ELMO1: variants seen among roughly 807,000 people sequenced by gnomAD.
The protein encoded by ELMO1 is engulfment and cell motility protein 1.
ELMO1 carries 26 observed loss-of-function variants against 98.9 expected under a neutral mutation model. The observed-to-expected ratio is 0.26, with a 90% CI of 0.19 to 0.36. The LOEUF is 0.36. Ranked by LOEUF, ELMO1 falls within the 10% of genes least tolerant of loss-of-function variation. The probability of loss-of-function intolerance (pLI) is 1.00; values close to 1 mark genes in which losing one functional copy is unlikely to be tolerated. For synonymous variants in ELMO1, 346 were observed against 346.0 expected (o/e 1.00, Z 0.00); for missense variants, 627 against 935.2 (o/e 0.67, Z 4.30).
chr7:36,981,724 G>A (rs1791068827), intron 16 of ELMO1, among the ~76,000 whole-genome samples: 1 of 152,172 alleles, frequency 6.6e-6, no homozygotes, highest in Non-Finnish European at 1.5e-5. Context: ...CCGACTTTCT[G>A]CAAGAGGAAA....
chr7:37,328,601 G>A (rs1799945174), intron 2 of ELMO1, among the ~76,000 whole-genome samples: 1 of 152,088 alleles, frequency 6.6e-6, no homozygotes, highest in Non-Finnish European at 1.5e-5. Flanking sequence ...GGGTGCCTTG[G>A]TTCCTGGCAC....
At chr7:36,866,441 A>G (rs985542923) in intron 20 of ELMO1, among the ~76,000 whole-genome samples, 2 of 152,302 alleles carry the variant, frequency 1.3e-5, no homozygotes, top group Admixed American at 1.3e-4. Context: ...GTCCTGTGCT[A>G]TTTCAGGCAC....
intron 1 of ELMO1, among the ~76,000 whole-genome samples, chr7:37,430,942 C>A (rs1035112285): frequency 6.6e-6 from 1 of 152,198 alleles, no homozygotes; most frequent in Non-Finnish European, 1.5e-5. Context: ...TCTAAGGGAA[C>A]AAATGGGACC....
chr7:37,077,079 G>C (rs574697433), intron 15 of ELMO1, among the ~76,000 whole-genome samples: 4 of 152,208 alleles, frequency 2.6e-5, no homozygotes, highest in African/African-American at 9.7e-5. Context: ...GCTCCAACCC[G>C]TGCAGCCTCT....
intron 1 of ELMO1, among the ~76,000 whole-genome samples, chr7:37,405,716 C>T (rs551600549): frequency 1.3e-5 from 2 of 152,276 alleles, no homozygotes; most frequent in African/African-American, 4.8e-5. Flanking sequence ...AGTTAAAATA[C>T]AGACTGGCTG....
At chr7:37,049,202 CA>C (rs1795966244) in intron 15 of ELMO1, among the ~76,000 whole-genome samples, 1 of 152,112 alleles carries the variant, frequency 6.6e-6, no homozygotes, top group Admixed American at 6.6e-5. Flanking sequence ...ACACAGCTGG[CA>C]CTGAGTCGGG....
At chr7:37,284,941 C>G (rs1192831364) in intron 4 of ELMO1, among the ~76,000 whole-genome samples, 1 of 152,210 alleles carries the variant, frequency 6.6e-6, no homozygotes, top group African/African-American at 2.4e-5. Context: ...AAAGGACATT[C>G]CCTTTGGGAT....
chr7:37,169,692 C>A (rs754144848), intron 13 of ELMO1, among the ~76,000 whole-genome samples: 2 of 152,114 alleles, frequency 1.3e-5, no homozygotes, highest in East Asian at 3.8e-4. Context: ...AGATGGGTCA[C>A]GTGCCGACAT....
At chr7:37,386,371 G>A (rs926750428) in intron 1 of ELMO1, among the ~76,000 whole-genome samples, 2 of 151,874 alleles carry the variant, frequency 1.3e-5, no homozygotes, top group African/African-American at 4.8e-5. Flanking sequence ...AAGGGGGCAG[G>A]GGCTGGAGGG....
chr7:37,127,553 T>C (rs996886574), intron 14 of ELMO1, among the ~76,000 whole-genome samples: 10 of 152,178 alleles, frequency 6.6e-5, no homozygotes, highest in African/African-American at 2.4e-4. Flanking sequence ...ACAATGCTTG[T>C]TCCTAGGGAT....
At chr7:37,322,614 T>C (rs1157102792) in intron 2 of ELMO1, among the ~76,000 whole-genome samples, 2 of 134,572 alleles carry the variant, frequency 1.5e-5, no homozygotes, top group Non-Finnish European at 3.2e-5. Flanking sequence ...ACAGTAAAAC[T>C]CTCTCTCCAA....
intron 15 of ELMO1, among the ~76,000 whole-genome samples, chr7:37,049,035 C>T (rs186248627): frequency 6.6e-6 from 1 of 152,282 alleles, no homozygotes; most frequent in East Asian, 1.9e-4. Flanking sequence ...TGATTCATAA[C>T]TTGGTAGAAT....
chr7:37,172,749 C>T lies in ELMO1; in HGVS notation c.1086+38637G>A, dbSNP rs561563745. 1.6e-4 allele frequency among the ~76,000 whole-genome samples: 25 copies of T among 152,240 alleles called. No individual in the cohort carries two copies. The East Asian group carries it at 3.3e-3, about 20-fold the overall frequency. The stretch of plus-strand genomic sequence containing the variant: ...TTCCAAGTAGTACATTTATATGTTA[C>T]GCTGAGAAGGAAAATTGCTATCTTC... On this transcript the variant is annotated intron_variant, in intron 13 of 21. Coordinates refer to ENST00000310758, the MANE Select transcript of ELMO1 (RefSeq NM_014800.11).
At position 37,202,471 on chromosome 7, in the gene ELMO1, C is replaced by T. The variant is rs972354429; in HGVS notation, c.1086+8915G>A. ...GCCTATGATAAAATCACACTGGGATCGGTGCTGAAATATAAGGCAAGTCCA... is the reference window on the plus strand; with the variant it reads ...GCCTATGATAAAATCACACTGGGATTGGTGCTGAAATATAAGGCAAGTCCA... On this transcript the variant is annotated intron_variant, in intron 13 of 21. Coordinates refer to ENST00000310758, the MANE Select transcript of ELMO1 (RefSeq NM_014800.11). 2.6e-5 allele frequency among the ~76,000 whole-genome samples: 4 copies of T among 152,312 alleles called. No individual in the cohort carries two copies. In the South Asian group the frequency reaches 6.2e-4, roughly 24 times the overall value.
intron 1 of ELMO1, among the ~76,000 whole-genome samples, chr7:37,393,039 C>T (rs1322490027): frequency 6.6e-6 from 1 of 152,190 alleles, no homozygotes; most frequent in East Asian, 1.9e-4. Context: ...CTACCAAGAC[C>T]ACTTCTGCAC....
chr7:37,325,911 T>C (rs1799774596), intron 2 of ELMO1, among the ~76,000 whole-genome samples: 1 of 152,300 alleles, frequency 6.6e-6, no homozygotes, highest in East Asian at 1.9e-4. Context: ...CCTCGTGACA[T>C]TGTGTCAATG....
chr7:37,088,597 TG>T (rs1783906710), intron 15 of ELMO1, among the ~76,000 whole-genome samples: 1 of 152,176 alleles, frequency 6.6e-6, no homozygotes, highest in Non-Finnish European at 1.5e-5. Context: ...ATGTTACAGA[TG>T]GGGACAGTAA....
chr7:37,443,379 G>A (rs1057455402), intron 1 of ELMO1, among the ~76,000 whole-genome samples: 3 of 152,220 alleles, frequency 2.0e-5, no homozygotes, highest in African/African-American at 7.2e-5. Context: ...ATCAGTGTTT[G>A]TGGGGGCCCG....
At chr7:37,224,281 A>T (rs1283692730) in intron 9 of ELMO1, among the ~76,000 whole-genome samples, 7 of 152,212 alleles carry the variant, frequency 4.6e-5, no homozygotes, top group African/African-American at 1.7e-4. Flanking sequence ...TACCTCAGGG[A>T]GGAAAGAAGG....
Sources: gnomAD v4.1 joint callset for allele counts (sites outside exome capture counted in the v4.1 genomes callset) on GRCh38, gnomAD v4.1.1 for gene constraint, MANE v1.5 for transcripts, NCBI Gene and HGNC (gene_info 2026-07-23, HGNC 2026-07-21) for gene names.